Variants in KAZN observed in about 807,000 individuals in gnomAD.
KAZN encodes kazrin.
A neutral mutation model predicts 87.4 loss-of-function variants in KAZN; 40 were observed. That is an observed-to-expected ratio of 0.46 (90% CI 0.36 to 0.60). The LOEUF (loss-of-function observed/expected upper bound fraction) is 0.60, where lower values mean the gene tolerates loss of function less well. KAZN is among the 20% of genes least tolerant of loss of function. The probability of loss-of-function intolerance (pLI) is 0.00; values close to 1 mark genes in which losing one functional copy is unlikely to be tolerated. For synonymous variants in KAZN, 466 were observed against 458.3 expected, an observed-to-expected ratio of 1.02 and a Z score of -0.22; for missense variants, 898 against 1,073.9, an observed-to-expected ratio of 0.84 and a Z score of 2.29.
chr1:14,238,355 A>G (rs975308974), intron 2 of KAZN, among the ~76,000 whole-genome samples: 7 of 152,186 alleles, frequency 4.6e-5, no homozygotes, highest in African/African-American at 1.4e-4. Context: ...TGTGAGACCC[A>G]CTGTCTGGGT....
At chr1:14,588,709 GACAAGA>G (rs1676004073) in intron 2 of KAZN, among the ~76,000 whole-genome samples, 3 of 152,206 alleles carry the variant, frequency 2.0e-5, no homozygotes, top group Non-Finnish European at 4.4e-5. Context: ...TGAATGACAG[GACAAGA>G]ACCTGGATCT....
At chr1:13,962,605 T>A (rs1410362903) in intron 1 of KAZN, among the ~76,000 whole-genome samples, 4 of 152,190 alleles carry the variant, frequency 2.6e-5, no homozygotes, top group Admixed American at 2.6e-4. Flanking sequence ...TCACCCAGGC[T>A]GGAGTGCAGT....
intron 1 of KAZN, among the ~76,000 whole-genome samples, chr1:14,138,514 A>C (rs79012840): frequency 0.02 from 2,982 of 152,216 alleles, 51 homozygotes; most frequent in Non-Finnish European, 0.027. Flanking sequence ...GGAAGAGGAA[A>C]TGGGATTCCC....
intron 1 of KAZN, among the ~76,000 whole-genome samples, chr1:14,077,864 A>T (rs1478226950): frequency 6.6e-6 from 1 of 152,002 alleles, no homozygotes; most frequent in Admixed American, 6.6e-5. Context: ...GGAGGCAGGG[A>T]TTGGAGTGAT....
intron 1 of KAZN, among the ~76,000 whole-genome samples, chr1:14,731,446 C>T (rs1288120278): frequency 2.0e-5 from 3 of 152,194 alleles, no homozygotes; most frequent in African/African-American, 7.2e-5. Context: ...AGCCTTGCTC[C>T]AGGGCCCACC....
chr1:14,900,848 G>C (rs1376940082), intron 1 of KAZN, among the ~76,000 whole-genome samples: 1 of 152,042 alleles, frequency 6.6e-6, no homozygotes, highest in Non-Finnish European at 1.5e-5. Flanking sequence ...GAGGGATGCT[G>C]GCATGGCTGG....
intron 2 of KAZN, among the ~76,000 whole-genome samples, chr1:14,493,420 C>T (rs1669784586): frequency 6.6e-6 from 1 of 152,132 alleles, no homozygotes; most frequent in Admixed American, 6.5e-5. Context: ...CTGAGCTGCT[C>T]AGGTCCCATC....
chr1:14,086,669 A>AT (rs1643867023), intron 1 of KAZN, among the ~76,000 whole-genome samples: 1 of 151,794 alleles, frequency 6.6e-6, no homozygotes, highest in South Asian at 2.1e-4. Context: ...ATTTTCTCCT[A>AT]TTTTTTTCTA....
chr1:14,089,981 T>C (rs1643938515), intron 1 of KAZN, among the ~76,000 whole-genome samples: 1 of 152,182 alleles, frequency 6.6e-6, no homozygotes, highest in South Asian at 2.1e-4. Flanking sequence ...TTGTTGATAA[T>C]GTTTTCTTTG....
At chr1:14,263,660 G>A (rs1651254091) in intron 2 of KAZN, among the ~76,000 whole-genome samples, 1 of 152,164 alleles carries the variant, frequency 6.6e-6, no homozygotes, top group Non-Finnish European at 1.5e-5. Flanking sequence ...GGGCTGGGGT[G>A]CAATTCAAAC....
At chr1:14,269,198 A>G (rs568062617) in intron 2 of KAZN, among the ~76,000 whole-genome samples, 1 of 152,114 alleles carries the variant, frequency 6.6e-6, no homozygotes, top group Non-Finnish European at 1.5e-5. Flanking sequence ...TTACAATTTC[A>G]TGGTTTTCCA....
intron 2 of KAZN, among the ~76,000 whole-genome samples, chr1:14,361,792 G>C (rs1432907173): frequency 6.6e-6 from 1 of 152,218 alleles, no homozygotes; most frequent in Non-Finnish European, 1.5e-5. Flanking sequence ...CTTCTGGATT[G>C]ATCTCACTGG....
At chr1:14,061,876 T>C (rs759442410) in intron 1 of KAZN, among the ~76,000 whole-genome samples, 4 of 152,144 alleles carry the variant, frequency 2.6e-5, no homozygotes, top group Non-Finnish European at 5.9e-5. Context: ...CGGAAGACTG[T>C]CGAGGTCACC....
intron 2 of KAZN, among the ~76,000 whole-genome samples, chr1:14,551,343 A>G (rs1044981982): frequency 6.6e-6 from 1 of 152,182 alleles, no homozygotes; most frequent in Non-Finnish European, 1.5e-5. Flanking sequence ...CTCCCCTCGT[A>G]TGATAAAACT....
chr1:14,376,577 C>A (rs541385272), intron 2 of KAZN, among the ~76,000 whole-genome samples: 9 of 151,952 alleles, frequency 5.9e-5, no homozygotes, highest in Admixed American at 1.3e-4. Context: ...AACCATGAGC[C>A]AAATAAATAT....
At chr1:14,514,611 A>T (rs1180764422) in intron 2 of KAZN, among the ~76,000 whole-genome samples, 409 of 38,852 alleles carry the variant, frequency 0.011, 3 homozygotes, top group Admixed American at 0.023. Flanking sequence ...ATATATATAT[A>T]TATATATATA....
chr1:14,656,234 C>T (rs1009080591), intron 1 of KAZN, among the ~76,000 whole-genome samples: 4 of 152,136 alleles, frequency 2.6e-5, no homozygotes, highest in Admixed American at 2.6e-4. Context: ...GATGCATTTG[C>T]CATCAGGGAG....
intron 2 of KAZN, among the ~76,000 whole-genome samples, chr1:14,412,249 G>A (rs1057331403): frequency 6.6e-6 from 1 of 152,126 alleles, no homozygotes; most frequent in Non-Finnish European, 1.5e-5. Flanking sequence ...GAATCCCACT[G>A]TTTAAAACAC....
intron 2 of KAZN, among the ~76,000 whole-genome samples, chr1:14,183,352 A>G (rs1483976203): frequency 6.6e-6 from 1 of 152,236 alleles, no homozygotes; most frequent in East Asian, 1.9e-4. Context: ...TCACATGGGT[A>G]GCCCAGAAAG....
Sources: gnomAD v4.1 joint callset for allele counts (sites outside exome capture counted in the v4.1 genomes callset) on GRCh38, gnomAD v4.1.1 for gene constraint, MANE v1.5 for transcripts, NCBI Gene and HGNC (gene_info 2026-07-23, HGNC 2026-07-21) for gene names.